The following PLEKHG4B variants were observed in gnomAD, a reference collection of about 807,000 sequenced individuals.
The protein encoded by PLEKHG4B is pleckstrin homology domain-containing family G member 4B.
PLEKHG4B carries 111 observed loss-of-function variants against 121.3 expected under a neutral mutation model. The ratio of observed to expected loss-of-function variants is 0.92; its 90% CI spans 0.78 to 1.07. The LOEUF is 1.07. Among genes scored for constraint, PLEKHG4B ranks in the 50% least tolerant of loss-of-function variants. The pLI is 0.00. For synonymous variants in PLEKHG4B, 738 were observed against 725.0 expected (o/e 1.02, Z -0.29); for missense variants, 1,831 against 1,757.8 (o/e 1.04, Z -0.74).
chr5:121,219 C>T (rs1156889495), intron 2 of PLEKHG4B, among the ~76,000 whole-genome samples: 2 of 151,180 alleles, frequency 1.3e-5, no homozygotes, highest in Admixed American at 6.6e-5. Context: ...TGCACTCCAG[C>T]CTGGGTGACA....
At chr5:165,380 A>C (rs866483113) in intron 13 of PLEKHG4B, among the ~76,000 whole-genome samples, 7 of 26,008 alleles carry the variant, frequency 2.7e-4, no homozygotes, top group South Asian at 2.6e-3. Flanking sequence ...GCTCACAGTA[A>C]TCCTCTGACG....
At chr5:170,995 T>A (rs1010832055) in intron 14 of PLEKHG4B, 48 bp from the exon 15 acceptor site, 1 of 1,514,230 alleles carries the variant, frequency 6.6e-7, no homozygotes. Context: ...GCCTGCTGTC[T>A]CTGGGCCTGT....
chr5:146,555 C>T (rs1301983015), intron 6 of PLEKHG4B, among the ~76,000 whole-genome samples: 1 of 143,554 alleles, frequency 7.0e-6, no homozygotes, highest in Non-Finnish European at 1.5e-5. Context: ...AAAGTCCTCC[C>T]TCCTCTTTCC....
At chr5:105,670 G>C (rs1158861383) in intron 1 of PLEKHG4B, among the ~76,000 whole-genome samples, 7 of 152,230 alleles carry the variant, frequency 4.6e-5, no homozygotes, top group African/African-American at 1.7e-4. Flanking sequence ...CAGCCGTGCT[G>C]CTAGCAGCAA....
Position 127,340 on chromosome 5 carries a change from T to TTTATTTATTATTA in PLEKHG4B, c.244-12138_244-12137insTATTATTATTATT, listed in dbSNP as rs1553983980. ...TCATTGTTTCTGCTTATTGTTGGTT[T>TTTATTTATTATTA]TTATTATTATTATTATTATTATTAT... On this transcript the variant is annotated intron_variant, in intron 2 of 19. Transcript: ENST00000637938. Among the ~76,000 whole-genome samples, 40 of 135,562 alleles carry TTTATTTATTATTA rather than the reference T, an allele frequency of 3.0e-4. 1 individual carries two copies. The highest frequency in any genetic ancestry group is 1.1e-3 in the African/African-American group (39 of 36,422). 88.9% of individuals were successfully genotyped at this position (135,562 alleles called of 152,430 possible).
At chr5:92,426 C>CCG (rs1733488309) in intron 1 of PLEKHG4B, 150 bp downstream of exon 1, 1 of 17,856 alleles carries the variant, frequency 5.6e-5, no homozygotes, top group African/African-American at 1.9e-4. Context: ...GGTGGGGGCG[C>CCG]GAGCGGACGC....
chr5:155,031 T>G, intron 8 of PLEKHG4B, 40 bp downstream of exon 8: 6 of 1,506,072 alleles, frequency 4.0e-6, no homozygotes, highest in African/African-American at 1.4e-5. Context: ...CGACAGTCTC[T>G]GGGGACTTTC....
intron 5 of PLEKHG4B, 95 bp from the exon 6 acceptor site, chr5:144,732 G>A: frequency 9.2e-7 from 1 of 1,090,806 alleles, no homozygotes; most frequent in African/African-American, 1.6e-5. Flanking sequence ...GAGCTGAAAG[G>A]AAACCAGTAA....
intron 2 of PLEKHG4B, among the ~76,000 whole-genome samples, chr5:126,393 T>C (rs1482425667): frequency 1.3e-5 from 2 of 152,242 alleles, no homozygotes; most frequent in African/African-American, 4.8e-5. Flanking sequence ...TTAATATCTT[T>C]GTTGATATTT....
At chr5:96,022 G>A (rs1471067796) in intron 1 of PLEKHG4B, among the ~76,000 whole-genome samples, 12 of 152,188 alleles carry the variant, frequency 7.9e-5, no homozygotes, top group African/African-American at 2.2e-4. Flanking sequence ...CTGGGACATC[G>A]GGGGATTGGA....
rs1168222956 is a variant in PLEKHG4B at position 189,554 on chromosome 5, C to T, written c.*7231C>T. On this transcript the variant is annotated 3_prime_UTR_variant, in exon 20 of 20. Transcript: ENST00000637938. ...GAGAAAGAACGCCTGTTTGTCATGG[C>T]ATTTCCTGTAAGGAGCCCAGAGCCG... 2 of 152,334 alleles carry T rather than the reference C, an allele frequency of 1.3e-5. No individual in the cohort carries two copies. Among genetic ancestry groups the T allele is most frequent in the African/African-American group, 4.8e-5 (2 of 41,472 alleles). The allele number at this position is 152,334 out of a possible 1,614,324, so 9.4% of individuals were successfully genotyped here.
intron 6 of PLEKHG4B, among the ~76,000 whole-genome samples, chr5:145,340 G>A (rs1470962642): frequency 2.0e-5 from 3 of 151,858 alleles, no homozygotes; most frequent in Non-Finnish European, 4.4e-5. Flanking sequence ...AAAGGACAGA[G>A]GCAGGAAGGG....
intron 2 of PLEKHG4B, among the ~76,000 whole-genome samples, chr5:129,836 C>T (rs139498703): frequency 2.4e-4 from 36 of 152,078 alleles, no homozygotes; most frequent in African/African-American, 8.7e-4. Flanking sequence ...CATTGCCTGC[C>T]TTAGCAAACT....
At chr5:164,493 G>GCTCTGACGGGCGGAGCTCACACTAATA (rs1553990026) in intron 13 of PLEKHG4B, among the ~76,000 whole-genome samples, 3 of 121,150 alleles carry the variant, frequency 2.5e-5, no homozygotes, top group Admixed American at 7.6e-5. Flanking sequence ...TCACACTAAT[G>GCTCTGACGGGCGGAGCTCACACTAATA]CTCTGACAGG....
intron 14 of PLEKHG4B, among the ~76,000 whole-genome samples, chr5:170,087 C>A (rs1461491659): frequency 6.6e-6 from 1 of 152,188 alleles, no homozygotes; most frequent in Non-Finnish European, 1.5e-5. Flanking sequence ...GGTCTCTCCT[C>A]GTAAGTTGCT....
chr5:104,245 C>G (rs149346853), intron 1 of PLEKHG4B, among the ~76,000 whole-genome samples: 2,065 of 151,006 alleles, frequency 0.014, 37 homozygotes, highest in African/African-American at 0.047. Context: ...CCAGTCCCAG[C>G]ACCGATTCCT....
Position 140,593 on chromosome 5 carries a change from G to A in PLEKHG4B, c.1354G>A (p.Ala452Thr). 1 of 1,610,086 alleles carries A rather than the reference G, an allele frequency of 6.2e-7. No individual in the cohort carries two copies. Among genetic ancestry groups the A allele is most frequent in the South Asian group, 1.1e-5 (1 of 90,828 alleles). ...ACCCAGAAGCTCCAGAGGGGCCCAG[G>A]CTGCAGCCTGCCACACCTCCCACCA... ...RAPRSSRGAQ[A>T]AACHTSHHSA... is the part of the protein sequence containing the mutation. The change falls in exon 3 of 20, where the codon GCT becomes ACT. Residue 452 changes from alanine to threonine, a missense_variant. Physicochemically the swap from Ala to Thr is moderately conservative, Grantham distance 58. Transcript: ENST00000637938.
chr5:131,314 A>C (rs374904395), intron 2 of PLEKHG4B, among the ~76,000 whole-genome samples: 36 of 152,188 alleles, frequency 2.4e-4, no homozygotes, highest in African/African-American at 8.2e-4. Flanking sequence ...CCTGTGTCCA[A>C]GTGTTCTCAT....
intron 12 of PLEKHG4B, among the ~76,000 whole-genome samples, chr5:162,275 G>A (rs555452225): frequency 0.011 from 753 of 71,186 alleles, 5 homozygotes; most frequent in South Asian, 0.027. Context: ...GCTCCCACGC[G>A]CCCCAGACCG....
Sources: gnomAD v4.1 joint callset for allele counts (sites outside exome capture counted in the v4.1 genomes callset) on GRCh38, gnomAD v4.1.1 for gene constraint, MANE v1.5 for transcripts, NCBI Gene and HGNC (gene_info 2026-07-23, HGNC 2026-07-21) for gene names.